Variants in PARD3B observed in about 807,000 individuals in gnomAD.
PARD3B encodes partitioning defective 3 homolog B.
Under a neutral mutation model 130.2 loss-of-function variants are expected in PARD3B, and 103 were observed. The observed-to-expected ratio is 0.79, with a 90% CI of 0.67 to 0.93. PARD3B has a LOEUF of 0.93. Ranked by LOEUF, PARD3B falls within the 40% of genes least tolerant of loss-of-function variation. The pLI is 0.00. For synonymous variants in PARD3B, 583 were observed against 553.2 expected (o/e 1.05, Z -0.76); for missense variants, 1,609 against 1,499.2 (o/e 1.07, Z -1.21).
chr2:204,556,294 G>A (rs1224726949), intron 1 of PARD3B, among the ~76,000 whole-genome samples: 1 of 152,130 alleles, frequency 6.6e-6, no homozygotes, highest in East Asian at 1.9e-4. Context: ...CTAGGTCTGG[G>A]ATGCTCAAGA....
intron 20 of PARD3B, among the ~76,000 whole-genome samples, chr2:205,495,643 C>A (rs1038343562): frequency 6.6e-6 from 1 of 152,012 alleles, no homozygotes; most frequent in Non-Finnish European, 1.5e-5. Flanking sequence ...AATGGGAATC[C>A]TCAGAAAGTA....
At chr2:204,914,813 C>T (rs1291830007) in intron 2 of PARD3B, among the ~76,000 whole-genome samples, 16 of 152,110 alleles carry the variant, frequency 1.1e-4, no homozygotes, top group Middle Eastern at 3.2e-3. Context: ...GTGGCCCACG[C>T]GGTGGTGCCT....
chr2:204,658,088 A>G lies in PARD3B; in HGVS notation c.121-28093A>G, dbSNP rs550300645. 7.2e-5 allele frequency among the ~76,000 whole-genome samples: 11 copies of G among 152,294 alleles called. No individual in the cohort carries two copies. The South Asian group carries it at 1.2e-3, about 17-fold the overall frequency. On this transcript the variant is annotated intron_variant, in intron 1 of 22. Transcript: ENST00000406610. ...GTGCAGCTATTATAAAGGCTCTACT[A>G]TGGCAGATAATTTTTCTAATTGCTA...
chr2:205,441,046 A>T (rs1448306837), intron 20 of PARD3B, among the ~76,000 whole-genome samples: 1 of 152,204 alleles, frequency 6.6e-6, no homozygotes, highest in Non-Finnish European at 1.5e-5. Context: ...GGAGAGTCAG[A>T]AAAGAGAAGA....
At chr2:205,431,067 A>G (rs2047316216) in intron 19 of PARD3B, among the ~76,000 whole-genome samples, 3 of 152,312 alleles carry the variant, frequency 2.0e-5, no homozygotes, top group African/African-American at 7.2e-5. Context: ...AATATGACAG[A>G]ATCTTGATTT....
intron 20 of PARD3B, among the ~76,000 whole-genome samples, chr2:205,442,120 G>A (rs942654477): frequency 2.0e-5 from 3 of 151,960 alleles, no homozygotes; most frequent in Non-Finnish European, 4.4e-5. Context: ...GTATTCCACA[G>A]CTAGAATCCC....
rs190306200 is a variant in PARD3B, at chr2:204,664,663, T to A, written c.121-21518T>A. On this transcript the variant is annotated intron_variant, in intron 1 of 22. Transcript: ENST00000406610. The surrounding 1 kb of genome is among the most constrained non-coding windows in gnomAD (Gnocchi z 5.2). ...GGTAAAATCTATTCTGAAGAACTTA[T>A]AGGCAAATAGCTTTTGAGAATTTGG... 6.6e-6 allele frequency among the ~76,000 whole-genome samples: 1 copy of A among 152,324 alleles called. No individual in the cohort carries two copies. The highest frequency in any genetic ancestry group is 1.5e-5 in the Non-Finnish European group (1 of 68,018).
At chr2:204,898,349 G>A (rs552737590) in intron 2 of PARD3B, among the ~76,000 whole-genome samples, 9 of 151,416 alleles carry the variant, frequency 5.9e-5, no homozygotes, top group Non-Finnish European at 7.4e-5. Flanking sequence ...ATAAATTATT[G>A]TTGATTATAG....
At chr2:205,215,653 C>T (rs573534270) in intron 15 of PARD3B, among the ~76,000 whole-genome samples, 1 of 151,978 alleles carries the variant, frequency 6.6e-6, no homozygotes, top group Non-Finnish European at 1.5e-5. Context: ...TATATATGTT[C>T]CAGTGGTACA....
At chr2:204,582,160 C>T (rs143217467) in intron 1 of PARD3B, among the ~76,000 whole-genome samples, 4 of 152,266 alleles carry the variant, frequency 2.6e-5, no homozygotes, top group Admixed American at 6.5e-5. Flanking sequence ...CAGAGCTCTG[C>T]ATAGGTTGCT....
chr2:205,565,551 G>A (rs544967704), intron 22 of PARD3B, among the ~76,000 whole-genome samples: 4 of 152,106 alleles, frequency 2.6e-5, no homozygotes, highest in Admixed American at 1.3e-4. Flanking sequence ...TCTGTGGGTC[G>A]GTTATAGACA....
chr2:204,894,761 A>C (rs1338491950), intron 2 of PARD3B, among the ~76,000 whole-genome samples: 1 of 152,064 alleles, frequency 6.6e-6, no homozygotes, highest in Non-Finnish European at 1.5e-5. Context: ...ATGAAAATTA[A>C]ATTTCTTGGG....
chr2:205,194,941 GC>G (rs1559530399), intron 15 of PARD3B, among the ~76,000 whole-genome samples: 1 of 139,336 alleles, frequency 7.2e-6, no homozygotes, highest in African/African-American at 2.7e-5. Context: ...CTGCCACCAC[GC>G]CAGGCTAATT....
intron 15 of PARD3B, among the ~76,000 whole-genome samples, chr2:205,223,025 A>C (rs143054244): frequency 2.1e-3 from 318 of 152,296 alleles, no homozygotes; most frequent in African/African-American, 7.5e-3. Flanking sequence ...GAAATGCTAA[A>C]GTGTTCTGAG....
chr2:205,184,781 C>CATAT (rs145704386), intron 13 of PARD3B, among the ~76,000 whole-genome samples: 7 of 149,850 alleles, frequency 4.7e-5, no homozygotes, highest in East Asian at 3.9e-4. Context: ...CACACACACA[C>CATAT]ATATATATAT....
chr2:205,005,149 C>T (rs752121601), intron 3 of PARD3B, among the ~76,000 whole-genome samples: 4 of 152,052 alleles, frequency 2.6e-5, no homozygotes, highest in African/African-American at 4.8e-5. Context: ...CCCTTTGCTC[C>T]CTCTTCTCCT....
intron 2 of PARD3B, among the ~76,000 whole-genome samples, chr2:204,817,542 T>A (rs112705708): frequency 6.6e-6 from 1 of 152,156 alleles, no homozygotes; most frequent in Non-Finnish European, 1.5e-5. Flanking sequence ...CTCGGTCTTG[T>A]GTGCATGTTA....
intron 2 of PARD3B, among the ~76,000 whole-genome samples, chr2:204,928,456 T>C (rs1056899144): frequency 2.6e-5 from 4 of 152,126 alleles, no homozygotes; most frequent in Non-Finnish European, 5.9e-5. Context: ...AGGACGATAA[T>C]TGGGGCCATT....
chr2:204,621,108 A>G (rs2034285949), intron 1 of PARD3B, among the ~76,000 whole-genome samples: 2 of 152,210 alleles, frequency 1.3e-5, no homozygotes, highest in Admixed American at 6.5e-5. Context: ...TCAGTAGCAC[A>G]CACTAGGTAT....
Sources: gnomAD v4.1 joint callset for allele counts (sites outside exome capture counted in the v4.1 genomes callset) on GRCh38, gnomAD v4.1.1 for gene constraint, Gnocchi (gnomAD v3.1) non-coding constraint, MANE v1.5 for transcripts, NCBI Gene and HGNC (gene_info 2026-07-23, HGNC 2026-07-21) for gene names.